Variants in MSI1 observed in about 807,000 individuals in gnomAD.
MSI1 encodes musashi RNA binding protein 1.
Under a neutral mutation model 54.4 loss-of-function variants are expected in MSI1, and 15 were observed. The observed-to-expected ratio is 0.28, with a 90% CI of 0.18 to 0.42. The LOEUF is 0.42. Among genes scored for constraint, MSI1 ranks in the 20% least tolerant of loss-of-function variants. The pLI is 1.00. For missense variants in MSI1, 304 were observed against 506.0 expected, an observed-to-expected ratio of 0.60 and a Z score of 3.83; for synonymous variants, 200 against 196.5, an observed-to-expected ratio of 1.02 and a Z score of -0.15.
Position 120,362,165 on chromosome 12 carries a change from C to T in MSI1, c.402+878G>A, listed in dbSNP as rs189300231. ...AGCTGGCCAGGGGACACCTCCCCCC[C>T]CCACACAATCCCAGGCCCATTTCCC... is the stretch of plus-strand genomic sequence containing the variant. On this transcript the variant is annotated intron_variant, in intron 6 of 14. Coordinates refer to ENST00000257552, the MANE Select transcript of MSI1 (RefSeq NM_002442.4). Among the ~76,000 whole-genome samples the T allele has an allele frequency of 3.9e-5, 6 of 152,116 alleles. No homozygotes were observed. In the East Asian group the frequency reaches 7.8e-4, roughly 20 times the overall value.
intron 13 of MSI1, 53 bp downstream of exon 13, chr12:120,346,082 G>T: frequency 7.1e-7 from 1 of 1,407,128 alleles, no homozygotes; most frequent in East Asian, 2.6e-5. Flanking sequence ...CCAACTTGGG[G>T]GTCTCTCAAG....
chr12:120,364,670 T>C (rs1340876902), intron 5 of MSI1, 44 bp downstream of exon 5: 1 of 1,540,322 alleles, frequency 6.5e-7, no homozygotes, highest in Non-Finnish European at 8.8e-7. Context: ...CTGCCCAGCA[T>C]TGCCCATAGT....
At chr12:120,357,671 A>G (rs1304699604) in intron 8 of MSI1, 145 bp downstream of exon 8, 2 of 733,886 alleles carry the variant, frequency 2.7e-6, no homozygotes, top group Non-Finnish European at 4.5e-6. Context: ...ATGCCTGGCT[A>G]ATTTTTGTAT....
intron 9 of MSI1, 95 bp from the exon 10 acceptor site, chr12:120,353,474 CT>C: frequency 9.1e-7 from 1 of 1,094,830 alleles, no homozygotes; most frequent in Non-Finnish European, 1.4e-6. Flanking sequence ...CCTCACCTTC[CT>C]TTATCATGAA....
chr12:120,359,159 T>C lies in MSI1; in HGVS notation c.403-106A>G. ...CACTGCCCTCTTGCCCACTCCAGGC[T>C]TGACCTTCAACCTGCTCCCTGCACA... On this transcript the variant is annotated intron_variant, in intron 6 of 14. Coordinates refer to ENST00000257552, the MANE Select transcript of MSI1 (RefSeq NM_002442.4). 7 of 1,390,652 alleles carry C rather than the reference T, an allele frequency of 5.0e-6. No individual in the cohort carries two copies. In the South Asian group the frequency reaches 8.8e-5, roughly 17 times the overall value. 86.1% of individuals were successfully genotyped at this position (1,390,652 alleles called of 1,614,324 possible).
In MSI1 at chr12:120,368,769, G is replaced by T; in HGVS notation, c.100+64C>A. ...CGCAGGGCCGGGCTGGGGTGTCCGG[G>T]TCCGGGGCGCCGGGGGGTCCGGGGT... is the stretch of plus-strand genomic sequence containing the variant. On this transcript the variant is annotated intron_variant, in intron 2 of 14. Coordinates refer to ENST00000257552, the MANE Select transcript of MSI1 (RefSeq NM_002442.4). This position sits in a 1 kb window ranked among gnomAD's most constrained non-coding sequence, Gnocchi z 6.6. The T allele has an allele frequency of 7.5e-7, 1 of 1,340,938 alleles. No individual in the cohort carries two copies. Among genetic ancestry groups the T allele is most frequent in the Non-Finnish European group, 9.7e-7 (1 of 1,028,094 alleles). 83.1% of individuals were successfully genotyped at this position (1,340,938 alleles called of 1,614,324 possible).
Position 120,368,151 on chromosome 12 carries a change from G to T in MSI1, c.182+41C>A. On this transcript the variant is annotated intron_variant, in intron 3 of 14. Coordinates refer to ENST00000257552, the MANE Select transcript of MSI1 (RefSeq NM_002442.4). This position sits in a 1 kb window ranked among gnomAD's most constrained non-coding sequence, Gnocchi z 6.6. ...ACAAGGCAGTGAGTGGCGGGTGGAG[G>T]GGGGCGAGCCGGGAGCAGGAGGAGG... 1 of 1,584,794 alleles carries T rather than the reference G, an allele frequency of 6.3e-7. No homozygotes were observed. Among genetic ancestry groups the T allele is most frequent in the South Asian group, 1.1e-5 (1 of 87,628 alleles).
intron 11 of MSI1, 113 bp downstream of exon 11, chr12:120,351,231 A>G: frequency 9.8e-7 from 1 of 1,023,560 alleles, no homozygotes; most frequent in Non-Finnish European, 1.5e-6. Flanking sequence ...CCACAGCCGG[A>G]GGGCTGGCGG....
At chr12:120,347,536 C>T (rs200364923) in intron 11 of MSI1, 22 bp from the exon 12 acceptor site, 20 of 1,613,840 alleles carry the variant, frequency 1.2e-5, no homozygotes, top group Middle Eastern at 1.6e-4. Flanking sequence ...GGGATGGGCA[C>T]ATCAGCATGG....
chr12:120,360,480 A>G (rs1875541856), intron 6 of MSI1, among the ~76,000 whole-genome samples: 1 of 152,192 alleles, frequency 6.6e-6, no homozygotes, highest in Admixed American at 6.5e-5. Flanking sequence ...AGCTGCCTGT[A>G]CTGGGGCCCA....
At chr12:120,343,748 G>A (rs1873883373) in intron 14 of MSI1, among the ~76,000 whole-genome samples, 1 of 152,174 alleles carries the variant, frequency 6.6e-6, no homozygotes, top group Non-Finnish European at 1.5e-5. Context: ...CTGGAATGGG[G>A]CTCATAAATG....
At chr12:120,365,709 A>G (rs1442030010) in intron 4 of MSI1, among the ~76,000 whole-genome samples, 5 of 152,216 alleles carry the variant, frequency 3.3e-5, no homozygotes, top group Non-Finnish European at 7.3e-5. Flanking sequence ...TTGATAATGC[A>G]GCTAGGCTTG....
intron 4 of MSI1, 39 bp from the exon 5 acceptor site, chr12:120,364,794 C>G (rs748157308): frequency 6.4e-7 from 1 of 1,571,474 alleles, no homozygotes; most frequent in African/African-American, 1.4e-5. Context: ...TCTTGGTTAT[C>G]GCATTTTTAG....
At position 120,343,041 on chromosome 12, in the gene MSI1, C is replaced by CGG. The variant is rs1300845335; in HGVS notation, c.*84_*85dup. On this transcript the variant is annotated 3_prime_UTR_variant, in exon 15 of 15. Transcript: ENST00000257552. ...GCTGCAGGGGAGGGGGCGGCGGCTG[C>CGG]GGCTGAGGTCTCCCGCCCCCTCGCT... 1 of 152,306 alleles carries CGG rather than the reference C, an allele frequency of 6.6e-6. No individual in the cohort carries two copies. The highest frequency in any genetic ancestry group is 1.5e-5 in the Non-Finnish European group (1 of 68,224). The allele number at this position is 152,306 out of a possible 1,614,324, so 9.4% of individuals were successfully genotyped here. A position where few individuals can be genotyped will look rare whatever the true frequency, so the allele number is the denominator to read the frequency against.
At position 120,362,089 on chromosome 12, in the gene MSI1, C is replaced by A. The variant is rs1592946517; in HGVS notation, c.402+954G>T. On this transcript the variant is annotated intron_variant, in intron 6 of 14. Transcript: ENST00000257552. Reference sequence around the variant, plus strand: ...CTGCCCTCTGTCCCGGACCCAGGTGCCCACCGAGGCACGAAAGCCGAGGCC... The same window carrying A: ...CTGCCCTCTGTCCCGGACCCAGGTGACCACCGAGGCACGAAAGCCGAGGCC... 3.3e-5 allele frequency among the ~76,000 whole-genome samples: 5 copies of A among 152,062 alleles called. No individual in the cohort carries two copies. The South Asian group carries it at 1.0e-3, about 32-fold the overall frequency.
At chr12:120,357,962 C>T (rs1875283463) in intron 7 of MSI1, 64 bp from the exon 8 acceptor site, 1 of 1,380,212 alleles carries the variant, frequency 7.2e-7, no homozygotes, top group African/African-American at 1.4e-5. Flanking sequence ...AACTCAACCC[C>T]AGGTCGTACC....
In MSI1 at chr12:120,342,056, T is replaced by G. The variant is rs1873704517; in HGVS notation, c.*1071A>C. On this transcript the variant is annotated 3_prime_UTR_variant, in exon 15 of 15. Coordinates refer to ENST00000257552, the MANE Select transcript of MSI1 (RefSeq NM_002442.4). ...CCCTGAGACGCCCTTTGCTTTCCCC[T>G]GGGGTCTGCCCTCGCCAGAGCGTCC... 1 of 135,322 alleles carries G rather than the reference T, an allele frequency of 7.4e-6. No individual in the cohort carries two copies. The highest frequency in any genetic ancestry group is 1.5e-5 in the Non-Finnish European group (1 of 65,158). 8.4% of individuals were successfully genotyped at this position (135,322 alleles called of 1,614,324 possible).
At chr12:120,357,091 C>T (rs1251699075) in intron 8 of MSI1, 72 bp from the exon 9 acceptor site, 8 of 1,351,996 alleles carry the variant, frequency 5.9e-6, no homozygotes, top group South Asian at 1.2e-5. Context: ...CCTGGAAAGC[C>T]CCTTTATTAA....
intron 12 of MSI1, 21 bp downstream of exon 12, chr12:120,347,425 C>T: frequency 6.2e-7 from 1 of 1,613,874 alleles, no homozygotes; most frequent in Non-Finnish European, 8.5e-7. Flanking sequence ...ATCTCTCTTC[C>T]TGCACCTCAG....
Sources: allele counts gnomAD v4.1 joint callset (sites outside exome capture counted in the v4.1 genomes callset), GRCh38; gene constraint gnomAD v4.1.1; non-coding constraint Gnocchi (gnomAD v3.1); transcripts MANE v1.5; gene names NCBI Gene and HGNC (gene_info 2026-07-23, HGNC 2026-07-21).